PPP1R16B: variants seen among roughly 807,000 people sequenced by gnomAD.
PPP1R16B encodes the protein protein phosphatase 1 regulatory subunit 16B, also known as protein phosphatase 1 regulatory inhibitor subunit 16B.
A neutral mutation model predicts 61.7 loss-of-function variants in PPP1R16B; 14 were observed. The ratio of observed to expected loss-of-function variants is 0.23; its 90% CI spans 0.15 to 0.35. The LOEUF (loss-of-function observed/expected upper bound fraction) is 0.35. PPP1R16B is among the 10% of genes least tolerant of loss of function. The pLI, the probability that PPP1R16B is intolerant of heterozygous loss-of-function variation, is 1.00. For missense variants in PPP1R16B, 547 were observed against 752.5 expected (o/e 0.73, Z 3.19); for synonymous variants, 266 against 305.3 (o/e 0.87, Z 1.34).
chr20:38,889,873 C>T (rs985258304), intron 3 of PPP1R16B, among the ~76,000 whole-genome samples: 63 of 152,344 alleles, frequency 4.1e-4, no homozygotes, highest in East Asian at 5.8e-4. Flanking sequence ...TGTGTGCGCC[C>T]GCAGACGCGA....
chr20:38,909,745 G>C (rs919429144), intron 10 of PPP1R16B, among the ~76,000 whole-genome samples: 1 of 152,228 alleles, frequency 6.6e-6, no homozygotes, highest in Admixed American at 6.5e-5. Flanking sequence ...TGTCTCACCA[G>C]GAGGTGTGAA....
chr20:38,842,481 T>A (rs1374502104), intron 2 of PPP1R16B, among the ~76,000 whole-genome samples: 1 of 152,248 alleles, frequency 6.6e-6, no homozygotes, highest in Non-Finnish European at 1.5e-5. Context: ...CAAAAAATGT[T>A]TGAGTGATTC....
intron 4 of PPP1R16B, among the ~76,000 whole-genome samples, chr20:38,897,391 T>A (rs2085358132): frequency 6.6e-6 from 1 of 152,238 alleles, no homozygotes; most frequent in Non-Finnish European, 1.5e-5. Flanking sequence ...TCACTTAGCA[T>A]AATGTCCTCA....
chr20:38,811,883 A>G (rs1302577731), intron 1 of PPP1R16B, among the ~76,000 whole-genome samples: 1 of 152,204 alleles, frequency 6.6e-6, no homozygotes, highest in Non-Finnish European at 1.5e-5. Context: ...GAAAGACTAC[A>G]CTGGACGATG....
At chr20:38,818,002 C>G (rs1432251365) in intron 1 of PPP1R16B, among the ~76,000 whole-genome samples, 1 of 152,214 alleles carries the variant, frequency 6.6e-6, no homozygotes, top group East Asian at 1.9e-4. Flanking sequence ...TGAGATTGTG[C>G]CACTGCACTC....
chr20:38,838,063 C>T (rs973082746), intron 2 of PPP1R16B: 5 of 152,202 alleles, frequency 3.3e-5, no homozygotes, highest in Non-Finnish European at 4.4e-5. Context: ...CACTGGCATC[C>T]GACTCTTGTC....
At chr20:38,855,999 C>T (rs1352277393) in intron 2 of PPP1R16B, among the ~76,000 whole-genome samples, 1 of 72,528 alleles carries the variant, frequency 1.4e-5, no homozygotes, top group African/African-American at 5.9e-5. Flanking sequence ...AGGAGAGAGA[C>T]CAGGACAGAC....
intron 1 of PPP1R16B, among the ~76,000 whole-genome samples, chr20:38,828,432 G>A (rs1018801092): frequency 7.9e-5 from 12 of 152,206 alleles, no homozygotes; most frequent in African/African-American, 2.9e-4. Context: ...AAACATCATT[G>A]CTGTCTCTTA....
At chr20:38,808,395 C>A (rs2084675921) in intron 1 of PPP1R16B, among the ~76,000 whole-genome samples, 1 of 152,166 alleles carries the variant, frequency 6.6e-6, no homozygotes, top group Admixed American at 6.5e-5. Flanking sequence ...GCCACCACCC[C>A]TCCTGCACCC....
At chr20:38,909,033 G>C (rs2085468705) in intron 10 of PPP1R16B, among the ~76,000 whole-genome samples, 1 of 151,938 alleles carries the variant, frequency 6.6e-6, no homozygotes, top group South Asian at 2.1e-4. Flanking sequence ...ACAGGGTCTT[G>C]CTCTGTCACT....
intron 1 of PPP1R16B, among the ~76,000 whole-genome samples, chr20:38,830,744 C>G (rs749421318): frequency 2.0e-5 from 3 of 152,196 alleles, no homozygotes; most frequent in Admixed American, 6.5e-5. Flanking sequence ...ATACCCTGCT[C>G]TCTGTGTGGG....
At chr20:38,904,701 G>A (rs955335367) in intron 6 of PPP1R16B, among the ~76,000 whole-genome samples, 1 of 151,794 alleles carries the variant, frequency 6.6e-6, no homozygotes, top group African/African-American at 2.4e-5. Context: ...GGATGAGGTG[G>A]CATCTGACCA....
chr20:38,881,517 C>T (rs980555288), intron 2 of PPP1R16B, among the ~76,000 whole-genome samples: 3 of 152,084 alleles, frequency 2.0e-5, no homozygotes, highest in South Asian at 2.1e-4. Flanking sequence ...ACCCAGTGGG[C>T]GGGATGTGGC....
intron 1 of PPP1R16B, among the ~76,000 whole-genome samples, chr20:38,823,636 C>G (rs1451905486): frequency 7.6e-6 from 1 of 130,960 alleles, no homozygotes; most frequent in African/African-American, 2.8e-5. Context: ...GACTTTGTCT[C>G]AAAAAAAAAA....
intron 10 of PPP1R16B, among the ~76,000 whole-genome samples, chr20:38,909,843 A>G (rs1248805308): frequency 6.6e-6 from 1 of 152,178 alleles, no homozygotes; most frequent in Non-Finnish European, 1.5e-5. Context: ...CTGGCCCCTT[A>G]GTCTGAGGAT....
intron 2 of PPP1R16B, among the ~76,000 whole-genome samples, chr20:38,877,863 G>A (rs888223050): frequency 8.1e-5 from 12 of 147,472 alleles, no homozygotes; most frequent in Non-Finnish European, 1.3e-4. Flanking sequence ...CTTTGTGTTT[G>A]TGTTTGCCTG....
Position 38,922,977 on chromosome 20 carries a change from C to T in PPP1R16B, c.*4311C>T, listed in dbSNP as rs1225322557. The T allele has an allele frequency of 1.3e-5, 2 of 152,228 alleles. No individual in the cohort carries two copies. Among genetic ancestry groups the T allele is most frequent in the African/African-American group, 2.4e-5 (1 of 41,450 alleles). The allele number at this position is 152,228 out of a possible 1,614,324, so 9.4% of individuals were successfully genotyped here. On this transcript the variant is annotated 3_prime_UTR_variant, in exon 11 of 11. Coordinates refer to ENST00000299824, the MANE Select transcript of PPP1R16B (RefSeq NM_015568.4). ...AGCTGCCAAGGCCTGTGACAGAATT[C>T]GCTGTTAAGAGTTTTTAATTAAAAT...
chr20:38,915,134 G>A (rs560740881), intron 10 of PPP1R16B, among the ~76,000 whole-genome samples: 72 of 152,186 alleles, frequency 4.7e-4, no homozygotes, highest in Admixed American at 1.1e-3. Context: ...TATCACTGAT[G>A]AGCCAATATT....
In PPP1R16B at chr20:38,893,854, C is replaced by T. The variant is rs1476574307; in HGVS notation, c.322-1711C>T. ...GCTTCCACTCCACCCCCTATGTTTC[C>T]TGCGGTCTCTAGGGGTTGGATTTCT... On this transcript the variant is annotated intron_variant, in intron 3 of 10. Coordinates refer to ENST00000299824, the MANE Select transcript of PPP1R16B (RefSeq NM_015568.4). 2.6e-5 allele frequency among the ~76,000 whole-genome samples: 4 copies of T among 152,246 alleles called. No homozygotes were observed. In the East Asian group the frequency reaches 5.8e-4, roughly 22 times the overall value.
Sources: allele counts gnomAD v4.1 joint callset (sites outside exome capture counted in the v4.1 genomes callset), GRCh38; gene constraint gnomAD v4.1.1; transcripts MANE v1.5; gene names NCBI Gene and HGNC (gene_info 2026-07-23, HGNC 2026-07-21).